CAMK1D: variants seen among roughly 807,000 people sequenced by gnomAD.
CAMK1D encodes the protein calcium/calmodulin-dependent protein kinase type 1D.
A neutral mutation model predicts 47.7 loss-of-function variants in CAMK1D; 9 were observed. The observed-to-expected ratio is 0.19, with a 90% CI of 0.11 to 0.33. The LOEUF is 0.33. Among genes scored for constraint, CAMK1D ranks in the 10% least tolerant of loss-of-function variants. The pLI is 1.00. For missense variants in CAMK1D, 291 were observed against 488.7 expected (o/e 0.60, Z 3.81); for synonymous variants, 184 against 184.9 (o/e 0.99, Z 0.04).
At chr10:12,779,939 C>T (rs1588917768) in intron 5 of CAMK1D, among the ~76,000 whole-genome samples, 1 of 152,184 alleles carries the variant, frequency 6.6e-6, no homozygotes. Flanking sequence ...CTGAGGCTGT[C>T]GGGGAAGGAA....
intron 1 of CAMK1D, among the ~76,000 whole-genome samples, chr10:12,543,337 C>G (rs2132250053): frequency 6.6e-6 from 1 of 152,176 alleles, no homozygotes; most frequent in East Asian, 1.9e-4. Context: ...GTGTTAGCCA[C>G]CACGCCTGGC....
At chr10:12,378,648 A>G (rs1838253127) in intron 1 of CAMK1D, among the ~76,000 whole-genome samples, 1 of 148,448 alleles carries the variant, frequency 6.7e-6, no homozygotes, top group Admixed American at 6.7e-5. Context: ...TTTCTTCTCT[A>G]CTCTTTTTAG....
At chr10:12,365,439 T>G (rs2131847692) in intron 1 of CAMK1D, among the ~76,000 whole-genome samples, 1 of 149,672 alleles carries the variant, frequency 6.7e-6, no homozygotes, top group East Asian at 1.9e-4. Flanking sequence ...TAGCTTTTTT[T>G]GTTTTTGTTT....
intron 2 of CAMK1D, among the ~76,000 whole-genome samples, chr10:12,660,821 T>TA (rs371699648): frequency 5.4e-4 from 83 of 152,384 alleles, no homozygotes; most frequent in African/African-American, 2.0e-3. Flanking sequence ...GGCTTTGAAT[T>TA]ACGCACATTT....
chr10:12,433,355 A>T (rs1242140434), intron 1 of CAMK1D, among the ~76,000 whole-genome samples: 2 of 151,288 alleles, frequency 1.3e-5, no homozygotes, highest in Non-Finnish European at 2.9e-5. Flanking sequence ...CTCTGCTCTC[A>T]TTTCCTGCTC....
At chr10:12,737,322 C>G (rs1054191772) in intron 3 of CAMK1D, among the ~76,000 whole-genome samples, 2 of 152,108 alleles carry the variant, frequency 1.3e-5, no homozygotes, top group African/African-American at 4.8e-5. Flanking sequence ...CTAACCTGTG[C>G]TTCATACCAG....
intron 2 of CAMK1D, among the ~76,000 whole-genome samples, chr10:12,608,900 GA>G (rs1164042782): frequency 6.6e-6 from 1 of 152,248 alleles, no homozygotes; most frequent in African/African-American, 2.4e-5. Flanking sequence ...AGTCTTGTGG[GA>G]GAAATCACAG....
intron 1 of CAMK1D, among the ~76,000 whole-genome samples, chr10:12,427,706 T>TTTG (rs1554768526): frequency 9.7e-6 from 1 of 102,762 alleles, no homozygotes; most frequent in African/African-American, 3.7e-5. Flanking sequence ...TACTGTTTTT[T>TTTG]TTTTTTTTTT....
At chr10:12,585,187 C>T (rs1157964178) in intron 2 of CAMK1D, among the ~76,000 whole-genome samples, 1 of 152,180 alleles carries the variant, frequency 6.6e-6, no homozygotes, top group Non-Finnish European at 1.5e-5. Flanking sequence ...GAGATTGAAG[C>T]TGGTAGTTCC....
In CAMK1D at chr10:12,831,340, G is replaced by T. The variant is rs965962481; in HGVS notation, c.*2453G>T. On this transcript the variant is annotated 3_prime_UTR_variant, in exon 11 of 11. Coordinates refer to ENST00000619168, the MANE Select transcript of CAMK1D (RefSeq NM_153498.4). ...TCATACAGTGCATGACAAAGTAATA[G>T]AAGGCTGCAAGCGCTGAAAATGCAC... 1 of 152,208 alleles carries T rather than the reference G, an allele frequency of 6.6e-6. No individual in the cohort carries two copies. The highest frequency in any genetic ancestry group is 2.4e-5 in the African/African-American group (1 of 41,432). 9.4% of individuals were successfully genotyped at this position (152,208 alleles called of 1,614,324 possible).
chr10:12,734,384 AGAT>A (rs1835056985), intron 3 of CAMK1D, among the ~76,000 whole-genome samples: 1 of 20,762 alleles, frequency 4.8e-5, no homozygotes, highest in Non-Finnish European at 1.0e-4. Flanking sequence ...ATATAGATAT[AGAT>A]ATAGATATAT....
chr10:12,553,375 C>G lies in CAMK1D; in HGVS notation c.224+19C>G. On this transcript the variant is annotated intron_variant, in intron 2 of 10. Transcript: ENST00000619168. ...TGAGAAAGTAAGTGCTGGAGGGCAACCCTCCTCCCTTCCCTACCTCCTGGC... is the reference window on the plus strand; with the variant it reads ...TGAGAAAGTAAGTGCTGGAGGGCAAGCCTCCTCCCTTCCCTACCTCCTGGC... The G allele has an allele frequency of 6.4e-7, 1 of 1,573,636 alleles. No individual in the cohort carries two copies. Among genetic ancestry groups the G allele is most frequent in the Non-Finnish European group, 8.7e-7 (1 of 1,143,332 alleles).
intron 9 of CAMK1D, among the ~76,000 whole-genome samples, chr10:12,825,030 G>A (rs538329118): frequency 6.6e-6 from 1 of 152,238 alleles, no homozygotes; most frequent in Admixed American, 6.5e-5. Context: ...TGGCAATTCA[G>A]AGCTAGCTAT....
At chr10:12,774,048 T>A (rs1486541586) in intron 5 of CAMK1D, among the ~76,000 whole-genome samples, 2 of 123,754 alleles carry the variant, frequency 1.6e-5, no homozygotes, top group Non-Finnish European at 3.2e-5. Context: ...GCCTACCTTC[T>A]GTTCTGGGCA....
intron 2 of CAMK1D, among the ~76,000 whole-genome samples, chr10:12,557,641 C>T (rs962105731): frequency 6.6e-6 from 1 of 152,000 alleles, no homozygotes; most frequent in Non-Finnish European, 1.5e-5. Context: ...AATAGACTGC[C>T]TTAAATTCCA....
intron 2 of CAMK1D, among the ~76,000 whole-genome samples, chr10:12,556,602 G>A (rs75385531): frequency 0.044 from 6,731 of 152,198 alleles, 214 homozygotes; most frequent in East Asian, 0.13. Flanking sequence ...GGAGATAGGA[G>A]ACAGAAAGGC....
intron 3 of CAMK1D, among the ~76,000 whole-genome samples, chr10:12,719,014 A>C (rs891241220): frequency 1.3e-5 from 2 of 152,134 alleles, no homozygotes; most frequent in Admixed American, 1.3e-4. Context: ...GTCCACTGAA[A>C]CCCAGTGGGG....
At chr10:12,670,377 C>T (rs1254490216) in intron 3 of CAMK1D, among the ~76,000 whole-genome samples, 1 of 151,976 alleles carries the variant, frequency 6.6e-6, no homozygotes, top group African/African-American at 2.4e-5. Context: ...ATTATCATCA[C>T]ATTCTTGGGT....
intron 1 of CAMK1D, among the ~76,000 whole-genome samples, chr10:12,396,202 GC>G (rs928029083): frequency 6.6e-6 from 1 of 152,108 alleles, no homozygotes; most frequent in African/African-American, 2.4e-5. Flanking sequence ...GTGTTCAGTA[GC>G]CCCCGGTCCA....
Sources: allele counts gnomAD v4.1 joint callset (sites outside exome capture counted in the v4.1 genomes callset), GRCh38; gene constraint gnomAD v4.1.1; transcripts MANE v1.5; gene names NCBI Gene and HGNC (gene_info 2026-07-23, HGNC 2026-07-21).